The following PJA2 variants were observed in gnomAD, a reference collection of about 807,000 sequenced individuals.
The protein encoded by PJA2 is E3 ubiquitin-protein ligase Praja-2.
In PJA2, 25 loss-of-function variants were observed where a neutral mutation model predicts 69.3. That is an observed-to-expected ratio of 0.36 (90% CI 0.26 to 0.50). PJA2 has a LOEUF of 0.50. PJA2 is among the 20% of genes least tolerant of loss of function. The probability of loss-of-function intolerance (pLI) is 0.96; values close to 1 mark genes in which losing one functional copy is unlikely to be tolerated. For synonymous variants in PJA2, 308 were observed against 277.8 expected, an observed-to-expected ratio of 1.11 and a Z score of -1.08; for missense variants, 809 against 830.2, an observed-to-expected ratio of 0.97 and a Z score of 0.31.
chr5:109,377,438 T>C (rs892677786), intron 4 of PJA2, among the ~76,000 whole-genome samples: 3 of 152,190 alleles, frequency 2.0e-5, no homozygotes, highest in Non-Finnish European at 4.4e-5. Flanking sequence ...TCTCCATTTT[T>C]TTCTTTTTCT....
Position 109,368,665 on chromosome 5 carries a change from A to G in PJA2, c.1365T>C (p.Asp455=), listed in dbSNP as rs764038953. ...SGTEKDQSSS[D]ESWETLPGKD... is the part of the protein sequence containing the mutation. ...TTCCTGGCAGAGTCTCCCAGCTTTCATCACTTGAGGATTGATCTTTTTCTG... is the reference window on the plus strand; with the variant it reads ...TTCCTGGCAGAGTCTCCCAGCTTTCGTCACTTGAGGATTGATCTTTTTCTG... The change falls in exon 5 of 10, where the codon GAT becomes GAC. Residue 455 remains aspartate, a synonymous_variant. Coordinates refer to ENST00000361189, the MANE Select transcript of PJA2 (RefSeq NM_014819.5). The G allele has an allele frequency of 6.2e-7, 1 of 1,614,048 alleles. No individual in the cohort carries two copies. The highest frequency in any genetic ancestry group is 8.5e-7 in the Non-Finnish European group (1 of 1,180,030).
chr5:109,350,018 AAATAAGGGATGTTATTTATAGTAACTTTC>A (rs1762224242), intron 7 of PJA2, among the ~76,000 whole-genome samples: 2 of 152,302 alleles, frequency 1.3e-5, no homozygotes, highest in South Asian at 4.1e-4. Context: ...ACATAAACAG[AAATAAGGGATGTTATTTATAGTAACTTTC>A]ATTTGGGGAG....
chr5:109,394,194 C>T (rs1287975944), intron 1 of PJA2, among the ~76,000 whole-genome samples: 1 of 151,656 alleles, frequency 6.6e-6, no homozygotes, highest in Non-Finnish European at 1.5e-5. Flanking sequence ...ATTATAGGTA[C>T]CCGCCACCAT....
intron 1 of PJA2, among the ~76,000 whole-genome samples, chr5:109,405,662 G>T (rs1353296612): frequency 2.6e-5 from 4 of 152,128 alleles, no homozygotes; most frequent in Non-Finnish European, 4.4e-5. Context: ...CCAACAAATG[G>T]TGCTAGAACT....
chr5:109,406,306 C>T (rs1157319250), intron 1 of PJA2, among the ~76,000 whole-genome samples: 2 of 152,158 alleles, frequency 1.3e-5, no homozygotes, highest in Admixed American at 6.5e-5. Context: ...TCCCAAAGTG[C>T]TGGGATTACA....
intron 1 of PJA2, among the ~76,000 whole-genome samples, chr5:109,393,981 G>A (rs1347402986): frequency 6.7e-6 from 1 of 149,220 alleles, no homozygotes; most frequent in Admixed American, 6.7e-5. Flanking sequence ...ACAAAATGCT[G>A]AAGACAAAAA....
intron 4 of PJA2, among the ~76,000 whole-genome samples, chr5:109,376,792 A>G (rs1013248977): frequency 6.6e-6 from 1 of 152,178 alleles, no homozygotes; most frequent in African/African-American, 2.4e-5. Flanking sequence ...ATTTTGATAT[A>G]TATTTCCCAG....
At chr5:109,360,642 A>AG (rs1283721997) in intron 6 of PJA2, among the ~76,000 whole-genome samples, 2 of 152,212 alleles carry the variant, frequency 1.3e-5, no homozygotes, top group Non-Finnish European at 2.9e-5. Context: ...GTGTTGACAT[A>AG]GAGCAACCTT....
At chr5:109,381,733 G>C in intron 2 of PJA2, 30 bp from the exon 3 acceptor site, 1 of 1,594,588 alleles carries the variant, frequency 6.3e-7, no homozygotes, top group South Asian at 1.1e-5. Context: ...ATTAAAACAG[G>C]AACAGCAATG....
At chr5:109,340,296 T>C (rs1408219571) in intron 9 of PJA2, among the ~76,000 whole-genome samples, 2 of 152,106 alleles carry the variant, frequency 1.3e-5, no homozygotes, top group Non-Finnish European at 2.9e-5. Context: ...ACAGTGAACA[T>C]TTCTAAACTG....
intron 5 of PJA2, 35 bp from the exon 6 acceptor site, chr5:109,363,057 T>G (rs1341474017): frequency 6.6e-7 from 1 of 1,519,172 alleles, no homozygotes; most frequent in Non-Finnish European, 8.9e-7. Flanking sequence ...AAAAAAATAT[T>G]ATTTTAAAAC....
Position 109,383,435 on chromosome 5 carries a change from T to C in PJA2, c.-2A>G. ...CTCCTTTTCAGTGTACTGTGACATA[T>C]ATGGCAGCGTCTGTGTGACCAGTTC... On this transcript the variant is annotated 5_prime_UTR_variant, in exon 2 of 10. The change creates a new upstream start codon in the 5' untranslated region. Coordinates refer to ENST00000361189, the MANE Select transcript of PJA2 (RefSeq NM_014819.5). The C allele has an allele frequency of 1.9e-6, 3 of 1,612,498 alleles. No individual in the cohort carries two copies. The highest frequency in any genetic ancestry group is 2.5e-6 in the Non-Finnish European group (3 of 1,178,922).
chr5:109,354,490 CTAT>C, intron 7 of PJA2, among the ~76,000 whole-genome samples: 1 of 116,492 alleles, frequency 8.6e-6, no homozygotes, highest in Non-Finnish European at 1.8e-5. Context: ...GATTAGATAT[CTAT>C]AATATCATAG....
intron 4 of PJA2, among the ~76,000 whole-genome samples, chr5:109,376,974 A>C (rs986061939): frequency 2.0e-4 from 30 of 152,144 alleles, no homozygotes; most frequent in Admixed American, 1.9e-3. Flanking sequence ...CTTTGTGGCC[A>C]ATTTCTGTTT....
At chr5:109,385,705 T>G in intron 1 of PJA2, among the ~76,000 whole-genome samples, 1 of 152,154 alleles carries the variant, frequency 6.6e-6, no homozygotes, top group East Asian at 1.9e-4. Flanking sequence ...AGTTAAGCCC[T>G]GAGAAAATCA....
intron 5 of PJA2, among the ~76,000 whole-genome samples, chr5:109,367,141 A>T (rs1232712694): frequency 7.2e-4 from 104 of 144,482 alleles, no homozygotes; most frequent in Middle Eastern, 3.6e-3. Context: ...CTCAAAAAAA[A>T]AAATATATAT....
chr5:109,375,498 A>G (rs1308061944), intron 4 of PJA2, among the ~76,000 whole-genome samples: 1 of 152,004 alleles, frequency 6.6e-6, no homozygotes, highest in Non-Finnish European at 1.5e-5. Context: ...ACAGAGAGAA[A>G]CTCTGTCTCG....
chr5:109,342,022 G>A (rs1762075023), intron 9 of PJA2, among the ~76,000 whole-genome samples: 1 of 136,056 alleles, frequency 7.3e-6, no homozygotes. Flanking sequence ...CCCCCCGCCG[G>A]GCCAGCCGCC....
intron 1 of PJA2, among the ~76,000 whole-genome samples, chr5:109,391,310 T>A (rs192946096): frequency 9.2e-5 from 14 of 152,308 alleles, no homozygotes; most frequent in Non-Finnish European, 1.9e-4. Flanking sequence ...TCTGAAAATG[T>A]CTACTTATTC....
Sources: allele counts gnomAD v4.1 joint callset (sites outside exome capture counted in the v4.1 genomes callset), GRCh38; gene constraint gnomAD v4.1.1; transcripts MANE v1.5; gene names NCBI Gene and HGNC (gene_info 2026-07-23, HGNC 2026-07-21).